Variants in RAB11FIP4 observed in about 807,000 individuals in gnomAD.
RAB11FIP4 encodes the protein RAB11 family interacting protein 4.
Under a neutral mutation model 74.3 loss-of-function variants are expected in RAB11FIP4, and 23 were observed. That is an observed-to-expected ratio of 0.31 (90% CI 0.22 to 0.44). RAB11FIP4 has a LOEUF of 0.44. Ranked by LOEUF, RAB11FIP4 falls within the 20% of genes least tolerant of loss-of-function variation. The probability of loss-of-function intolerance (pLI) is 1.00; values close to 1 mark genes in which losing one functional copy is unlikely to be tolerated. For synonymous variants in RAB11FIP4, 360 were observed against 359.9 expected, an observed-to-expected ratio of 1.00 and a Z score of 0.00; for missense variants, 630 against 863.9, an observed-to-expected ratio of 0.73 and a Z score of 3.39.
intron 3 of RAB11FIP4, among the ~76,000 whole-genome samples, chr17:31,483,396 T>C (rs2071870311): frequency 1.3e-5 from 2 of 152,114 alleles, no homozygotes; most frequent in Admixed American, 1.3e-4. Context: ...CTGAGTGTGC[T>C]ACTTGTGAGG....
intron 3 of RAB11FIP4, among the ~76,000 whole-genome samples, chr17:31,490,871 T>G (rs1487088338): frequency 6.6e-6 from 1 of 152,264 alleles, no homozygotes; most frequent in Non-Finnish European, 1.5e-5. Flanking sequence ...CATCTTTATC[T>G]GTTCGTGCCT....
intron 3 of RAB11FIP4, among the ~76,000 whole-genome samples, chr17:31,505,361 C>A (rs546119269): frequency 1.3e-3 from 178 of 134,672 alleles, no homozygotes; most frequent in African/African-American, 4.9e-3. Flanking sequence ...TGTGTCCTCT[C>A]TAATTCTCTT....
At chr17:31,405,212 C>T (rs2071031413) in intron 1 of RAB11FIP4, among the ~76,000 whole-genome samples, 2 of 152,038 alleles carry the variant, frequency 1.3e-5, no homozygotes, top group South Asian at 4.1e-4. Flanking sequence ...GGGAGGCTCC[C>T]AGGCGGTCTG....
chr17:31,482,128 G>A (rs2071855998), intron 3 of RAB11FIP4, among the ~76,000 whole-genome samples: 1 of 152,190 alleles, frequency 6.6e-6, no homozygotes, highest in African/African-American at 2.4e-5. Flanking sequence ...GGCCCAAAAA[G>A]TTAGGGAGAG....
In RAB11FIP4 at chr17:31,402,598, TTTTATTTATTTATTTA is replaced by T. The variant is rs3058625; in HGVS notation, c.159+10611_159+10626del. On this transcript the variant is annotated intron_variant, in intron 1 of 14. Coordinates refer to ENST00000621161, the MANE Select transcript of RAB11FIP4 (RefSeq NM_032932.6). ...TGAAGGCTCAGATTATTTTATTTAT[TTTTATTTATTTATTTA>T]TTTATTTATTTATTTATTTATTTTT... Among the ~76,000 whole-genome samples, 50 of 142,804 alleles carry T rather than the reference TTTTATTTATTTATTTA, an allele frequency of 3.5e-4. No homozygotes were observed. The East Asian group carries it at 8.4e-3, about 24-fold the overall frequency. 93.7% of individuals were successfully genotyped at this position (142,804 alleles called of 152,430 possible).
At chr17:31,530,000 C>T (rs928586861) in intron 13 of RAB11FIP4, among the ~76,000 whole-genome samples, 2 of 152,192 alleles carry the variant, frequency 1.3e-5, no homozygotes, top group Non-Finnish European at 2.9e-5. Context: ...ACTTCCTTCA[C>T]TGGGCTGCTG....
Position 31,392,029 on chromosome 17 carries a change from C to A in RAB11FIP4, c.159+18C>A, listed in dbSNP as rs2070876578. 6 of 1,272,872 alleles carry A rather than the reference C, an allele frequency of 4.7e-6. No individual in the cohort carries two copies. The highest frequency in any genetic ancestry group is 3.2e-5 in the East Asian group (1 of 30,910). 78.8% of individuals were successfully genotyped at this position (1,272,872 alleles called of 1,614,324 possible). Reference sequence around the variant, plus strand: ...GCGAGGAGGTAAGCTGGCCCGACCCCAGTCCCGGCCCGGGGACCCCAGCCC... The same window carrying A: ...GCGAGGAGGTAAGCTGGCCCGACCCAAGTCCCGGCCCGGGGACCCCAGCCC... On this transcript the variant is annotated intron_variant, in intron 1 of 14. Transcript: ENST00000621161.
intron 3 of RAB11FIP4, among the ~76,000 whole-genome samples, chr17:31,481,067 A>C (rs116418418): frequency 0.011 from 1,626 of 152,250 alleles, 24 homozygotes; most frequent in African/African-American, 0.037. Context: ...GGAATGACTG[A>C]AAGAATGAAG....
At position 31,528,655 on chromosome 17, in the gene RAB11FIP4, G is replaced by A; in HGVS notation, c.1530G>A (p.Leu510=). The change falls in exon 13 of 15, where the codon CTG becomes CTA. Residue 510 remains leucine, a synonymous_variant. Transcript: ENST00000621161. ...ACTTGCGGAAGGAGCTGGAGCACCT[G>A]CAGATGTACAAGCTGGACTGCGAGC... ...IEDLRKELEH[L]QMYKLDCERP... 3 of 1,613,556 alleles carry A rather than the reference G, an allele frequency of 1.9e-6. No individual in the cohort carries two copies. Among genetic ancestry groups the A allele is most frequent in the Non-Finnish European group, 2.5e-6 (3 of 1,179,872 alleles).
intron 13 of RAB11FIP4, 118 bp from the exon 14 acceptor site, chr17:31,530,208 A>G: frequency 7.5e-7 from 1 of 1,340,378 alleles, no homozygotes; most frequent in South Asian, 1.3e-5. Context: ...CAGCCGTGAC[A>G]CACACCTGTG....
chr17:31,394,321 C>T (rs1047600167), intron 1 of RAB11FIP4, among the ~76,000 whole-genome samples: 7 of 151,846 alleles, frequency 4.6e-5, no homozygotes, highest in African/African-American at 9.7e-5. Context: ...TTTTTTTTGC[C>T]GGTAAATGAT....
At chr17:31,458,790 C>A (rs541832879) in intron 3 of RAB11FIP4, among the ~76,000 whole-genome samples, 66 of 152,332 alleles carry the variant, frequency 4.3e-4, no homozygotes, top group African/African-American at 1.6e-3. Flanking sequence ...TGTGGGTCAC[C>A]CAGGGTGTGA....
intron 9 of RAB11FIP4, 186 bp from the exon 10 acceptor site, chr17:31,524,904 G>A (rs577587040): frequency 5.7e-6 from 4 of 706,526 alleles, no homozygotes; most frequent in South Asian, 3.6e-5. Context: ...TCCATGGCAT[G>A]TGTGACCGAC....
rs563631092 is a variant in RAB11FIP4 at position 31,442,309 on chromosome 17, A to G, written c.336+8187A>G. Among the ~76,000 whole-genome samples the G allele has an allele frequency of 7.2e-5, 11 of 152,224 alleles. No individual in the cohort carries two copies. The East Asian group carries it at 2.1e-3, about 29-fold the overall frequency. On this transcript the variant is annotated intron_variant, in intron 3 of 14. Transcript: ENST00000621161. ...CCACCATGCCCAGCCAGGTGTATAT[A>G]TATATTTTTAACGTAATTTGGGGAA...
intron 3 of RAB11FIP4, among the ~76,000 whole-genome samples, chr17:31,435,664 A>G (rs1233718971): frequency 6.6e-6 from 1 of 152,204 alleles, no homozygotes; most frequent in East Asian, 1.9e-4. Context: ...GGCTGATGGT[A>G]GGCCTCTTGG....
intron 1 of RAB11FIP4, among the ~76,000 whole-genome samples, chr17:31,402,598 T>TTTTATTTATTTATTTATTTA (rs3058625): frequency 2.0e-4 from 28 of 142,804 alleles, no homozygotes; most frequent in Non-Finnish European, 2.3e-4. Flanking sequence ...TTTTATTTAT[T>TTTTATTTATTTATTTATTTA]TTTATTTATT....
intron 3 of RAB11FIP4, among the ~76,000 whole-genome samples, chr17:31,493,980 C>T (rs972911202): frequency 2.6e-5 from 4 of 152,336 alleles, no homozygotes; most frequent in Admixed American, 2.6e-4. Context: ...CATCCACCCC[C>T]CTGCTTTGGG....
At chr17:31,495,864 A>G (rs1455998723) in intron 3 of RAB11FIP4, among the ~76,000 whole-genome samples, 1 of 152,228 alleles carries the variant, frequency 6.6e-6, no homozygotes, top group Non-Finnish European at 1.5e-5. Context: ...CTGCACACAC[A>G]CAGTCTGCGG....
intron 3 of RAB11FIP4, among the ~76,000 whole-genome samples, chr17:31,471,383 A>G (rs1040895327): frequency 5.9e-5 from 9 of 151,984 alleles, no homozygotes; most frequent in Admixed American, 3.9e-4. Context: ...GAGTTTTTTA[A>G]GTGTCCAGGA....
Sources: gnomAD v4.1 joint callset for allele counts (sites outside exome capture counted in the v4.1 genomes callset) on GRCh38, gnomAD v4.1.1 for gene constraint, MANE v1.5 for transcripts, NCBI Gene and HGNC (gene_info 2026-07-23, HGNC 2026-07-21) for gene names.